The following ITGA9 variants were observed in gnomAD, a reference collection of about 807,000 sequenced individuals.
ITGA9 encodes integrin subunit alpha 9.
ITGA9 carries 56 observed loss-of-function variants against 127.8 expected under a neutral mutation model. The ratio of observed to expected loss-of-function variants is 0.44; its 90% confidence interval spans 0.35 to 0.55. ITGA9 has a LOEUF of 0.55. Among genes scored for constraint, ITGA9 ranks in the 20% least tolerant of loss-of-function variants. ITGA9 has a pLI of 0.00. For synonymous variants in ITGA9, 508 were observed against 514.5 expected (o/e 0.99, Z 0.17); for missense variants, 1,196 against 1,347.1 (o/e 0.89, Z 1.76).
intron 8 of ITGA9, among the ~76,000 whole-genome samples, chr3:37,513,424 CT>C (rs922269433): frequency 7.9e-5 from 12 of 151,298 alleles, no homozygotes; most frequent in South Asian, 2.1e-4. Flanking sequence ...AGGGATGTTT[CT>C]TTTTTTTTAT....
chr3:37,461,039 A>G (rs1362818162), intron 1 of ITGA9, among the ~76,000 whole-genome samples: 1 of 152,098 alleles, frequency 6.6e-6, no homozygotes, highest in African/African-American at 2.4e-5. Flanking sequence ...TGTGGATCCC[A>G]GAGTAAACTT....
intron 18 of ITGA9, among the ~76,000 whole-genome samples, chr3:37,732,322 T>A (rs558188297): frequency 6.6e-6 from 1 of 152,200 alleles, no homozygotes; most frequent in South Asian, 2.1e-4. Context: ...TTGTCTTTCC[T>A]GAACCACCAA....
intron 15 of ITGA9, chr3:37,585,765 G>T: frequency 3.0e-6 from 1 of 335,862 alleles, no homozygotes; most frequent in Non-Finnish European, 6.1e-6. Context: ...ATAGAGCAGT[G>T]TATTTGGTTT....
rs141918145 is a variant in ITGA9, at chr3:37,552,659, G to A, written c.1689+10074G>A. Among the ~76,000 whole-genome samples, 905 of 152,268 alleles carry A rather than the reference G, an allele frequency of 5.9e-3. 10 individuals are homozygous for A. The highest frequency in any genetic ancestry group is 0.021 in the African/African-American group (867 of 41,544). On this transcript the variant is annotated intron_variant, in intron 15 of 27. Transcript: ENST00000264741. ...CTTTCTCTCTTGGGCGTATGCGTGTGTGCATGCATGTACTCCAGCTCTCTG... is the reference window on the plus strand; with the variant it reads ...CTTTCTCTCTTGGGCGTATGCGTGTATGCATGCATGTACTCCAGCTCTCTG...
At chr3:37,606,542 C>T (rs1437312867) in intron 15 of ITGA9, among the ~76,000 whole-genome samples, 2 of 152,206 alleles carry the variant, frequency 1.3e-5, no homozygotes, top group Non-Finnish European at 2.9e-5. Flanking sequence ...CCCAGGGGTC[C>T]TATGGATCCA....
intron 16 of ITGA9, among the ~76,000 whole-genome samples, chr3:37,634,891 G>A (rs189875046): frequency 1.3e-5 from 2 of 152,176 alleles, no homozygotes; most frequent in Admixed American, 6.6e-5. Flanking sequence ...GAAATATCAA[G>A]TATCTTTTCT....
chr3:37,583,946 T>C (rs1699732567), intron 15 of ITGA9, among the ~76,000 whole-genome samples: 1 of 152,234 alleles, frequency 6.6e-6, no homozygotes, highest in Non-Finnish European at 1.5e-5. Context: ...CATTGTCATG[T>C]TGGACTTGAT....
chr3:37,508,667 G>T, intron 8 of ITGA9, 40 bp downstream of exon 8: 1 of 1,540,712 alleles, frequency 6.5e-7, no homozygotes, highest in Non-Finnish European at 9.0e-7. Context: ...TTATTTGAGA[G>T]ATGTGATCAT....
rs865812466 is a variant in ITGA9, at chr3:37,814,215, G to A, written c.3010-4676G>A. Among the ~76,000 whole-genome samples, 5 of 152,166 alleles carry A rather than the reference G, an allele frequency of 3.3e-5. No individual in the cohort carries two copies. The highest frequency in any genetic ancestry group is 2.1e-4 in the South Asian group (1 of 4,830). On this transcript the variant is annotated intron_variant, in intron 27 of 27. Transcript: ENST00000264741. This position sits in a 1 kb window ranked among gnomAD's most constrained non-coding sequence, Gnocchi z 4.3. Reference sequence around the variant, plus strand: ...GATGTTTCAGGGCTGGAAGAGGTCTGAGAATCCCATTGATCTCTTAGGCAG... The same window carrying A: ...GATGTTTCAGGGCTGGAAGAGGTCTAAGAATCCCATTGATCTCTTAGGCAG...
chr3:37,520,587 G>T (rs2125581061), intron 11 of ITGA9, among the ~76,000 whole-genome samples: 1 of 152,312 alleles, frequency 6.6e-6, no homozygotes, highest in East Asian at 1.9e-4. Flanking sequence ...AAACTATTTT[G>T]CCATGAGGCA....
Position 37,513,890 on chromosome 3 carries a change from A to G in ITGA9, c.1025A>G (p.Asn342Ser), listed in dbSNP as rs779225472. 13 of 1,613,380 alleles carry G rather than the reference A, an allele frequency of 8.1e-6. No homozygotes were observed. The highest frequency in any genetic ancestry group is 1.1e-5 in the Non-Finnish European group (13 of 1,180,006). ...RDEGQVTVYI[N>S]RGNGALEEQL... is the part of the protein sequence containing the mutation. ...GAGGGACAGGTCACTGTCTACATCA[A>G]CAGAGGAAATGTGAGTACAATACTG... The change falls in exon 9 of 28, where the codon AAC becomes AGC. Residue 342 changes from asparagine to serine, a missense_variant. Asn to Ser is a conservative substitution (Grantham distance 46). Transcript: ENST00000264741.
At chr3:37,521,174 T>C (rs538714710) in intron 11 of ITGA9, among the ~76,000 whole-genome samples, 14 of 152,276 alleles carry the variant, frequency 9.2e-5, no homozygotes, top group South Asian at 6.2e-4. Context: ...GCTGCTAATA[T>C]GCATATGATA....
intron 16 of ITGA9, among the ~76,000 whole-genome samples, chr3:37,633,739 G>A (rs140639638): frequency 1.2e-4 from 19 of 152,278 alleles, no homozygotes; most frequent in African/African-American, 2.4e-4. Flanking sequence ...GGCTTAGCAG[G>A]CATGGTGTTC....
chr3:37,537,326 G>A (rs1399130476), intron 14 of ITGA9, among the ~76,000 whole-genome samples: 4 of 104,330 alleles, frequency 3.8e-5, no homozygotes, highest in African/African-American at 6.6e-5. Flanking sequence ...AGGAAGGAGC[G>A]AGTTCCTTTG....
chr3:37,683,841 A>G, intron 17 of ITGA9, 24 bp from the exon 18 acceptor site: 1 of 1,613,082 alleles, frequency 6.2e-7, no homozygotes, highest in Non-Finnish European at 8.5e-7. Flanking sequence ...CAGGGCATTC[A>G]TTGCTGTCTA....
chr3:37,513,694 A>G, intron 8 of ITGA9, 69 bp from the exon 9 acceptor site: 1 of 1,586,900 alleles, frequency 6.3e-7, no homozygotes, highest in Non-Finnish European at 8.6e-7. Context: ...AATGGGGTGG[A>G]GGAAAGCGAG....
intron 15 of ITGA9, among the ~76,000 whole-genome samples, chr3:37,615,378 T>C (rs1700064065): frequency 1.3e-5 from 2 of 152,228 alleles, no homozygotes; most frequent in East Asian, 3.9e-4. Context: ...CAGTATTTTA[T>C]TGAGGATTTT....
At chr3:37,497,329 CTT>C (rs11306669) in intron 5 of ITGA9, among the ~76,000 whole-genome samples, 98 of 146,102 alleles carry the variant, frequency 6.7e-4, no homozygotes, top group Admixed American at 1.2e-3. Flanking sequence ...ATCTATCAGT[CTT>C]TTTTTTTTTT....
intron 22 of ITGA9, among the ~76,000 whole-genome samples, chr3:37,747,149 A>C (rs1045634430): frequency 7.9e-5 from 12 of 152,202 alleles, no homozygotes; most frequent in Admixed American, 7.9e-4. Flanking sequence ...ATGATTACAT[A>C]CCTTAAAGTT....
Sources: gnomAD v4.1 joint callset for allele counts (sites outside exome capture counted in the v4.1 genomes callset) on GRCh38, gnomAD v4.1.1 for gene constraint, Gnocchi (gnomAD v3.1) non-coding constraint, MANE v1.5 for transcripts, NCBI Gene and HGNC (gene_info 2026-07-23, HGNC 2026-07-21) for gene names.